Variants in WLS observed in about 807,000 individuals in gnomAD.
WLS encodes Wnt ligand secretion mediator.
A neutral mutation model predicts 62.8 loss-of-function variants in WLS; 23 were observed. The observed-to-expected ratio is 0.37, with a 90% CI of 0.26 to 0.52. The LOEUF (loss-of-function observed/expected upper bound fraction) is 0.52, where lower values mean the gene tolerates loss of function less well. Among genes scored for constraint, WLS ranks in the 20% least tolerant of loss-of-function variants. The pLI is 0.92. For missense variants in WLS, 615 were observed against 697.3 expected (o/e 0.88, Z 1.33); for synonymous variants, 246 against 244.1 (o/e 1.01, Z -0.07).
chr1:68,194,830 G>A (rs1648573583), intron 1 of WLS, among the ~76,000 whole-genome samples: 1 of 152,174 alleles, frequency 6.6e-6, no homozygotes, highest in Admixed American at 6.5e-5. Flanking sequence ...CTCAAACACT[G>A]ACTGATACTT....
At position 68,144,669 on chromosome 1, in the gene WLS, A is replaced by T. The variant is rs765585350; in HGVS notation, c.1279-17T>A. 1.2e-6 allele frequency: 2 copies of T among 1,603,450 alleles called. No homozygotes were observed. The highest frequency in any genetic ancestry group is 1.7e-6 in the Non-Finnish European group (2 of 1,170,810). ...AATTAGCCCCTATTAGAAAAGAAAG[A>T]GTAGTTTAATACTCCATCAGCTACC... is the stretch of plus-strand genomic sequence containing the variant. On this transcript the variant is annotated splice_polypyrimidine_tract_variant and intron_variant, in intron 9 of 11. Coordinates refer to ENST00000262348, the MANE Select transcript of WLS (RefSeq NM_024911.7).
intron 1 of WLS, among the ~76,000 whole-genome samples, chr1:68,213,159 G>A (rs982342604): frequency 1.3e-5 from 2 of 152,110 alleles, no homozygotes; most frequent in African/African-American, 4.8e-5. Context: ...AGAAAGACAA[G>A]AGGAAGTAAA....
At chr1:68,187,808 C>T (rs779997214) in intron 2 of WLS, among the ~76,000 whole-genome samples, 3 of 151,932 alleles carry the variant, frequency 2.0e-5, no homozygotes, top group Non-Finnish European at 2.9e-5. Flanking sequence ...TAAAAGTATT[C>T]GAGTTATTTC....
intron 10 of WLS, chr1:68,142,902 C>A (rs951651565): frequency 1.3e-5 from 2 of 152,090 alleles, no homozygotes; most frequent in African/African-American, 4.8e-5. Context: ...TAGTCTCTAG[C>A]TGAAAGATAA....
At chr1:68,178,393 C>A (rs1647352589) in intron 2 of WLS, among the ~76,000 whole-genome samples, 1 of 152,166 alleles carries the variant, frequency 6.6e-6, no homozygotes. Context: ...AACACAGTGT[C>A]CCTGCCTTTA....
chr1:68,166,070 G>T (rs928085818), intron 2 of WLS, among the ~76,000 whole-genome samples: 19 of 152,104 alleles, frequency 1.2e-4, no homozygotes, highest in Admixed American at 1.0e-3. Flanking sequence ...GGTTTAAAAT[G>T]AAAATTGTGC....
At chr1:68,170,186 ATG>A (rs1227715786) in intron 2 of WLS, among the ~76,000 whole-genome samples, 1 of 51,606 alleles carries the variant, frequency 1.9e-5, no homozygotes. Context: ...TTTTTTTGAG[ATG>A]GAGTTTCGCT....
At chr1:68,161,741 C>A (rs1646977090) in intron 2 of WLS, 1 of 1,563,534 alleles carries the variant, frequency 6.4e-7, no homozygotes, top group Non-Finnish European at 8.8e-7. Flanking sequence ...TGATTACCTT[C>A]CGGCATTCTC....
At chr1:68,120,944 G>GA (rs1404996581), downstream of WLS, among the ~76,000 whole-genome samples, 1 of 152,090 alleles carries the variant, frequency 6.6e-6, no homozygotes, top group Non-Finnish European at 1.5e-5. Flanking sequence ...TGGTGTATGG[G>GA]AAAAAATATA....
At chr1:68,158,964 C>T (rs1391995314) in intron 3 of WLS, among the ~76,000 whole-genome samples, 159 bp downstream of exon 3, 2 of 152,100 alleles carry the variant, frequency 1.3e-5, no homozygotes, top group Admixed American at 6.5e-5. Flanking sequence ...AGGAAAGGCC[C>T]GTGGCAGGAG....
intron 3 of WLS, 126 bp downstream of exon 3, chr1:68,158,997 G>A (rs752318190): frequency 6.9e-5 from 87 of 1,253,134 alleles, no homozygotes; most frequent in Middle Eastern, 2.2e-4. Context: ...AAAATGCTCC[G>A]CAGAGCAGGT....
chr1:68,098,890 G>A, intron 11 of WLS: 1 of 1,327,276 alleles, frequency 7.5e-7, no homozygotes, highest in Non-Finnish European at 1.0e-6. Flanking sequence ...TTTGAAATTT[G>A]TTTAGGACTG....
chr1:68,130,000 A>T (rs950067539), intron 11 of WLS, among the ~76,000 whole-genome samples: 1 of 152,240 alleles, frequency 6.6e-6, no homozygotes, highest in African/African-American at 2.4e-5. Flanking sequence ...AAATGAGACC[A>T]ATCTCTGGCA....
intron 11 of WLS, 110 bp downstream of exon 11, chr1:68,137,670 C>G (rs906913404): frequency 1.1e-5 from 14 of 1,306,282 alleles, no homozygotes; most frequent in Non-Finnish European, 1.4e-5. Context: ...GAGGAGTATA[C>G]TTGGAGGGAA....
rs565858731 is a variant in WLS at position 68,129,064 on chromosome 1, T to C, written c.1517-2729A>G. Among the ~76,000 whole-genome samples the C allele has an allele frequency of 2.0e-5, 3 of 152,212 alleles. No homozygotes were observed. The South Asian group carries it at 6.2e-4, about 32-fold the overall frequency. ...ATACAGCCGGGTGCGGTGGCTCACA[T>C]CTGTAATCCCGGCACTTTGGGAGGC... is the stretch of plus-strand genomic sequence containing the variant. On this transcript the variant is annotated intron_variant, in intron 11 of 11. Transcript: ENST00000262348.
chr1:68,131,582 C>T (rs996934374), intron 11 of WLS, among the ~76,000 whole-genome samples: 1 of 152,052 alleles, frequency 6.6e-6, no homozygotes, highest in Non-Finnish European at 1.5e-5. Context: ...TCCAAAGCAC[C>T]TCCTGACACT....
Position 68,106,497 on chromosome 1 carries a change from A to G in WLS, c.1511-7744T>C, listed in dbSNP as rs149680007. ...AGTGTCCTTCAGGTCTGGGAGCCCC[A>G]CAGAGCAACAGCTGGGAAAGTATAC... On this transcript the variant is annotated intron_variant, in intron 11 of 11. Transcript: ENST00000354777. Among the ~76,000 whole-genome samples the G allele has an allele frequency of 2.6e-5, 4 of 152,332 alleles. No homozygotes were observed. In the East Asian group the frequency reaches 7.7e-4, roughly 29 times the overall value.
At chr1:68,104,316 A>G (rs974702062) in intron 11 of WLS, among the ~76,000 whole-genome samples, 18 of 152,202 alleles carry the variant, frequency 1.2e-4, no homozygotes, top group African/African-American at 3.4e-4. Context: ...ATGACTCAGT[A>G]TTCTAGACTT....
chr1:68,101,395 G>GA (rs1268811260), intron 11 of WLS, among the ~76,000 whole-genome samples: 1 of 152,146 alleles, frequency 6.6e-6, no homozygotes, highest in Non-Finnish European at 1.5e-5. Flanking sequence ...GGCCGCCCCA[G>GA]AAAGGCTTTA....
Sources: gnomAD v4.1 joint callset for allele counts (sites outside exome capture counted in the v4.1 genomes callset) on GRCh38, gnomAD v4.1.1 for gene constraint, MANE v1.5 for transcripts, NCBI Gene and HGNC (gene_info 2026-07-23, HGNC 2026-07-21) for gene names.